The following STK32B variants were observed in gnomAD, a reference collection of about 807,000 sequenced individuals.
STK32B encodes the protein serine/threonine kinase 32B.
Under a neutral mutation model 52.6 loss-of-function variants are expected in STK32B, and 43 were observed. That is an observed-to-expected ratio of 0.82 (90% CI 0.64 to 1.05). The LOEUF (loss-of-function observed/expected upper bound fraction) is 1.05. Ranked by LOEUF, STK32B falls within the 50% of genes least tolerant of loss-of-function variation. The pLI, the probability that STK32B is intolerant of heterozygous loss-of-function variation, is 0.00. For synonymous variants in STK32B, 238 were observed against 204.3 expected (o/e 1.17, Z -1.41); for missense variants, 621 against 534.6 (o/e 1.16, Z -1.59).
At chr4:5,051,993 G>A in intron 1 of STK32B, 78 bp downstream of exon 1, 1 of 1,541,774 alleles carries the variant, frequency 6.5e-7, no homozygotes, top group South Asian at 1.2e-5. Context: ...GCCCTGCGGG[G>A]CACCGCATGC....
At position 5,378,125 on chromosome 4, in the gene STK32B, A is replaced by G. The variant is rs1174516417; in HGVS notation, c.435-20082A>G. The stretch of plus-strand genomic sequence containing the variant: ...CCTGACATAATTAGGAAAATTAAAA[A>G]GAACTGAAAAAGGAGTAACTGCCTC... On this transcript the variant is annotated intron_variant, in intron 4 of 11. Coordinates refer to ENST00000282908, the MANE Select transcript of STK32B (RefSeq NM_018401.3). This position sits in a 1 kb window ranked among gnomAD's most constrained non-coding sequence, Gnocchi z 4.4. 6.6e-6 allele frequency among the ~76,000 whole-genome samples: 1 copy of G among 152,244 alleles called. No individual in the cohort carries two copies. The highest frequency in any genetic ancestry group is 1.5e-5 in the Non-Finnish European group (1 of 68,050).
At chr4:5,280,221 G>A (rs143218285) in intron 3 of STK32B, among the ~76,000 whole-genome samples, 1 of 152,140 alleles carries the variant, frequency 6.6e-6, no homozygotes, top group East Asian at 1.9e-4. Context: ...TTTCTCTCAA[G>A]TTCAAAGTTC....
At chr4:5,254,472 A>G (rs192780943) in intron 3 of STK32B, among the ~76,000 whole-genome samples, 42 of 152,218 alleles carry the variant, frequency 2.8e-4, no homozygotes, top group African/African-American at 7.9e-4. Flanking sequence ...ACTTACATAC[A>G]TACATTGTTG....
At chr4:5,488,226 A>G (rs1026531831) in intron 11 of STK32B, among the ~76,000 whole-genome samples, 4 of 152,150 alleles carry the variant, frequency 2.6e-5, no homozygotes, top group Non-Finnish European at 4.4e-5. Context: ...TGAACCCGGG[A>G]GGCAGAGGTT....
At chr4:5,387,998 G>A (rs182680983) in intron 4 of STK32B, among the ~76,000 whole-genome samples, 5 of 152,222 alleles carry the variant, frequency 3.3e-5, no homozygotes, top group African/African-American at 1.2e-4. Context: ...GCCCGCCTCA[G>A]CCTCCCAAAG....
At chr4:5,300,424 C>T (rs1405282125) in intron 3 of STK32B, among the ~76,000 whole-genome samples, 1 of 152,098 alleles carries the variant, frequency 6.6e-6, no homozygotes, top group African/African-American at 2.4e-5. Context: ...ACTGGAAGTT[C>T]CAGCCAGAGC....
At chr4:5,097,530 C>T (rs1713470218) in intron 1 of STK32B, among the ~76,000 whole-genome samples, 1 of 152,218 alleles carries the variant, frequency 6.6e-6, no homozygotes, top group African/African-American at 2.4e-5. Flanking sequence ...ACATCTCTCT[C>T]TCATGTGTTG....
intron 4 of STK32B, among the ~76,000 whole-genome samples, chr4:5,368,333 C>T (rs1271500006): frequency 7.7e-6 from 1 of 129,168 alleles, no homozygotes; most frequent in Non-Finnish European, 1.8e-5. Context: ...CTTTCAGTAA[C>T]TCACTAATCC....
chr4:5,317,107 A>AT (rs1380081076), intron 3 of STK32B, among the ~76,000 whole-genome samples: 5 of 56,612 alleles, frequency 8.8e-5, no homozygotes, highest in Non-Finnish European at 1.0e-4. Context: ...GATATAATAT[A>AT]TAATATATAT....
intron 1 of STK32B, among the ~76,000 whole-genome samples, chr4:5,085,773 A>G (rs1395520808): frequency 5.3e-5 from 8 of 152,208 alleles, no homozygotes; most frequent in Admixed American, 2.6e-4. Flanking sequence ...TTTGTTGAGA[A>G]CAGTAAGCTT....
chr4:5,197,788 A>G (rs1577178954), intron 3 of STK32B, among the ~76,000 whole-genome samples: 1 of 152,320 alleles, frequency 6.6e-6, no homozygotes, highest in East Asian at 1.9e-4. Context: ...TTTGAATTTT[A>G]TCAGAAGCTT....
At chr4:5,436,656 G>C (rs1230015046) in intron 6 of STK32B, 2 of 985,282 alleles carry the variant, frequency 2.0e-6, no homozygotes, top group African/African-American at 3.5e-5. Context: ...CTGAGGAAGG[G>C]AGGGTACACG....
intron 2 of STK32B, among the ~76,000 whole-genome samples, chr4:5,159,222 C>T (rs984523247): frequency 4.6e-5 from 7 of 152,212 alleles, no homozygotes; most frequent in Admixed American, 3.3e-4. Flanking sequence ...TCTCTGTGTA[C>T]GCTGACTGAG....
intron 4 of STK32B, among the ~76,000 whole-genome samples, chr4:5,388,119 A>T (rs545396054): frequency 6.6e-5 from 10 of 152,314 alleles, no homozygotes; most frequent in African/African-American, 1.9e-4. Context: ...TCATCCATCA[A>T]AAAGAAGATA....
intron 4 of STK32B, among the ~76,000 whole-genome samples, chr4:5,332,296 T>G (rs1159150952): frequency 6.6e-6 from 1 of 152,020 alleles, no homozygotes; most frequent in Admixed American, 6.6e-5. Flanking sequence ...AAGAAAGATG[T>G]AGAGTGATCG....
At chr4:5,168,537 A>T in intron 3 of STK32B, 87 bp downstream of exon 3, 1 of 1,427,890 alleles carries the variant, frequency 7.0e-7, no homozygotes, top group South Asian at 1.5e-5. Flanking sequence ...ACTCTTCCGC[A>T]TTGTAAAGGG....
chr4:5,090,556 G>T (rs1482182924), intron 1 of STK32B, among the ~76,000 whole-genome samples: 1 of 151,704 alleles, frequency 6.6e-6, no homozygotes, highest in African/African-American at 2.4e-5. Flanking sequence ...GTAGAGACGG[G>T]GTTTCACTGT....
At chr4:5,054,876 A>C (rs1741937830) in intron 1 of STK32B, among the ~76,000 whole-genome samples, 3 of 152,224 alleles carry the variant, frequency 2.0e-5, no homozygotes, top group Admixed American at 2.0e-4. Flanking sequence ...AGTTTAACTC[A>C]TTGTGTGCAA....
chr4:5,416,031 A>G (rs1712133570), intron 5 of STK32B, among the ~76,000 whole-genome samples: 1 of 152,220 alleles, frequency 6.6e-6, no homozygotes. Context: ...ATGTGATGAC[A>G]GACAAATAGA....
Sources: allele counts gnomAD v4.1 joint callset (sites outside exome capture counted in the v4.1 genomes callset), GRCh38; gene constraint gnomAD v4.1.1; non-coding constraint Gnocchi (gnomAD v3.1); transcripts MANE v1.5; gene names NCBI Gene and HGNC (gene_info 2026-07-23, HGNC 2026-07-21).